Variants in IL1RAPL2 observed in about 807,000 individuals in gnomAD.
IL1RAPL2 encodes the protein interleukin 1 receptor accessory protein like 2.
Under a neutral mutation model 44.1 loss-of-function variants are expected in IL1RAPL2, and 3 were observed. The ratio of observed to expected loss-of-function variants is 0.07; its 90% CI spans 0.03 to 0.18. IL1RAPL2 has a LOEUF of 0.18. Among genes scored for constraint, IL1RAPL2 ranks in the 10% least tolerant of loss-of-function variants. IL1RAPL2 has a pLI of 1.00. For synonymous variants in IL1RAPL2, 181 were observed against 178.8 expected (o/e 1.01, Z -0.10); for missense variants, 391 against 496.4 (o/e 0.79, Z 2.02).
At chrX:105,033,082 C>A (rs1253235515) in intron 2 of IL1RAPL2, among the ~76,000 whole-genome samples, 1 of 111,255 alleles carries the variant, frequency 9.0e-6, no homozygotes, top group African/African-American at 3.3e-5. Flanking sequence ...CTTGGTAGAT[C>A]TTCCTCTATC....
At chrX:104,673,176 C>A (rs1006822055) in intron 2 of IL1RAPL2, among the ~76,000 whole-genome samples, 3 of 111,543 alleles carry the variant, frequency 2.7e-5, no homozygotes, top group Non-Finnish European at 5.6e-5. Flanking sequence ...CTTGCCCATG[C>A]CTATGTCCTG....
chrX:104,978,857 T>C (rs1249253392), intron 2 of IL1RAPL2, among the ~76,000 whole-genome samples: 1 of 111,582 alleles, frequency 9.0e-6, no homozygotes, highest in Non-Finnish European at 1.9e-5. Context: ...TGAATCAAGA[T>C]GAAAAACCAT....
chrX:104,818,323 G>A (rs943103345), intron 2 of IL1RAPL2, among the ~76,000 whole-genome samples: 1 of 85,028 alleles, frequency 1.2e-5, no homozygotes, highest in Non-Finnish European at 2.1e-5. Context: ...CAGCCTGGGC[G>A]ACAGAGAGAG....
chrX:104,667,414 G>A (rs999171432), intron 2 of IL1RAPL2, among the ~76,000 whole-genome samples: 2 of 111,347 alleles, frequency 1.8e-5, no homozygotes, highest in African/African-American at 3.3e-5. Context: ...ATCATAGGGG[G>A]AAGGGAGAAA....
At chrX:105,100,283 G>A (rs779188237) in intron 2 of IL1RAPL2, among the ~76,000 whole-genome samples, 1 of 111,688 alleles carries the variant, frequency 9.0e-6, no homozygotes, top group African/African-American at 3.3e-5. Context: ...AAGAACTACT[G>A]TACCTTGTCT....
intron 7 of IL1RAPL2, among the ~76,000 whole-genome samples, chrX:105,731,013 T>C (rs112281862): frequency 0.043 from 4,767 of 109,835 alleles, 268 homozygotes; most frequent in African/African-American, 0.15. Flanking sequence ...ATTAGTAGAA[T>C]GAAAGAGTAG....
chrX:105,117,723 C>T lies in IL1RAPL2; in HGVS notation c.83-77752C>T, dbSNP rs149839383. 2.7e-5 allele frequency among the ~76,000 whole-genome samples: 3 copies of T among 111,587 alleles called. No homozygotes were observed. In the East Asian group the frequency reaches 8.5e-4, roughly 32 times the overall value. ...GGTGCCTTTCTTCCCCTTTTTCTTCCACCATGATTGTAAGGTTCCTAAGGC... is the reference window on the plus strand; with the variant it reads ...GGTGCCTTTCTTCCCCTTTTTCTTCTACCATGATTGTAAGGTTCCTAAGGC... On this transcript the variant is annotated intron_variant, in intron 2 of 10. Transcript: ENST00000372582.
chrX:104,819,478 A>C (rs940874887), intron 2 of IL1RAPL2, among the ~76,000 whole-genome samples: 1 of 112,057 alleles, frequency 8.9e-6, no homozygotes, highest in African/African-American at 3.2e-5. Flanking sequence ...TATCTACCCT[A>C]ACCAATTTTT....
chrX:104,981,255 A>T (rs2030435324), intron 2 of IL1RAPL2, among the ~76,000 whole-genome samples: 1 of 110,336 alleles, frequency 9.1e-6, no homozygotes, highest in Non-Finnish European at 1.9e-5. Context: ...AATATTTGAT[A>T]GGTAGTTTTT....
Position 104,666,314 on chromosome X carries a change from C to T in IL1RAPL2, c.82+7319C>T, listed in dbSNP as rs1930487716. 1.8e-5 allele frequency among the ~76,000 whole-genome samples: 2 copies of T among 111,966 alleles called. 1 individual carries two copies. The highest frequency in any genetic ancestry group is 7.4e-4 in the South Asian group (2 of 2,715). On this transcript the variant is annotated intron_variant, in intron 2 of 10. Transcript: ENST00000372582. ...TGAAATATTAAAGTTCCTTATGACA[C>T]TGGTTCTCTTTAAATGAAAAGGTGT...
chrX:105,543,919 A>G (rs1434575601), intron 6 of IL1RAPL2, among the ~76,000 whole-genome samples: 1 of 111,789 alleles, frequency 8.9e-6, no homozygotes, highest in African/African-American at 3.3e-5. Context: ...ATTTCCGTAT[A>G]AATTTTAGAA....
chrX:105,283,940 T>A (rs2034551812), intron 5 of IL1RAPL2, among the ~76,000 whole-genome samples: 1 of 111,541 alleles, frequency 9.0e-6, no homozygotes, highest in African/African-American at 3.3e-5. Context: ...TTGTCATGAT[T>A]TTTTGAAACC....
chrX:105,347,335 A>G (rs762087189), intron 5 of IL1RAPL2, among the ~76,000 whole-genome samples: 3 of 111,421 alleles, frequency 2.7e-5, no homozygotes, highest in Non-Finnish European at 3.8e-5. Flanking sequence ...GATCCTGAAC[A>G]ATGTAATTAA....
intron 2 of IL1RAPL2, among the ~76,000 whole-genome samples, chrX:104,935,347 G>T (rs1375781737): frequency 8.9e-6 from 1 of 111,954 alleles, no homozygotes; most frequent in Admixed American, 9.5e-5. Flanking sequence ...TTGCCCATGT[G>T]TGACTTTTGA....
intron 2 of IL1RAPL2, among the ~76,000 whole-genome samples, chrX:104,976,014 C>G (rs2030327471): frequency 9.0e-6 from 1 of 111,466 alleles, no homozygotes; most frequent in Middle Eastern, 4.6e-3. Flanking sequence ...CCATAAAACC[C>G]TGTACATAGG....
intron 2 of IL1RAPL2, among the ~76,000 whole-genome samples, chrX:104,994,104 C>T (rs939247811): frequency 8.9e-6 from 1 of 111,826 alleles, no homozygotes; most frequent in African/African-American, 3.2e-5. Context: ...TTCATTGCTA[C>T]TTTATTTATA....
chrX:105,220,413 T>C (rs782028820), intron 3 of IL1RAPL2: 27 of 1,160,629 alleles, frequency 2.3e-5, no homozygotes, highest in Non-Finnish European at 3.0e-5. Context: ...CCTAGGGGTT[T>C]AACGGTTTCA....
intron 2 of IL1RAPL2, among the ~76,000 whole-genome samples, chrX:105,073,925 T>C (rs1157878072): frequency 8.9e-6 from 1 of 111,801 alleles, no homozygotes; most frequent in East Asian, 2.8e-4. Context: ...GAGTTCATTG[T>C]AGATTCTGGA....
At chrX:104,790,635 T>A (rs762724025) in intron 2 of IL1RAPL2, among the ~76,000 whole-genome samples, 13 of 110,884 alleles carry the variant, frequency 1.2e-4, no homozygotes, top group Non-Finnish European at 2.5e-4. Context: ...AAAAGTAATA[T>A]GTGTTCACTC....
Sources: allele counts gnomAD v4.1 joint callset (sites outside exome capture counted in the v4.1 genomes callset), GRCh38; gene constraint gnomAD v4.1.1; transcripts MANE v1.5; gene names NCBI Gene and HGNC (gene_info 2026-07-23, HGNC 2026-07-21).